The following SLC22A15 variants were observed in gnomAD, a reference collection of about 807,000 sequenced individuals.
SLC22A15 encodes solute carrier family 22 member 15.
Under a neutral mutation model 62.7 loss-of-function variants are expected in SLC22A15, and 45 were observed. That is an observed-to-expected ratio of 0.72 (90% CI 0.56 to 0.92). The LOEUF is 0.92. Among genes scored for constraint, SLC22A15 ranks in the 40% least tolerant of loss-of-function variants. The probability of loss-of-function intolerance (pLI) is 0.00; values close to 1 mark genes in which losing one functional copy is unlikely to be tolerated. For synonymous variants in SLC22A15, 264 were observed against 267.0 expected, an observed-to-expected ratio of 0.99 and a Z score of 0.11; for missense variants, 622 against 665.6, an observed-to-expected ratio of 0.93 and a Z score of 0.72.
rs1408132595 is a variant in SLC22A15, at chr1:116,058,279, A to G, written c.1172-4483A>G. Among the ~76,000 whole-genome samples the G allele has an allele frequency of 3.3e-5, 5 of 152,284 alleles. No individual in the cohort carries two copies. In the South Asian group the frequency reaches 6.2e-4, roughly 19 times the overall value. The stretch of plus-strand genomic sequence containing the variant: ...CTCAAACAAATCAGTAAGGAAAAAC[A>G]AACAATCCCATCAAAAAGTGGGCGA... On this transcript the variant is annotated intron_variant, in intron 8 of 11. Transcript: ENST00000369503.
Position 116,053,698 on chromosome 1 carries a change from C to T in SLC22A15, c.1172-9064C>T, listed in dbSNP as rs563010219. Among the ~76,000 whole-genome samples, 1,129 of 152,218 alleles carry T rather than the reference C, an allele frequency of 7.4e-3. 11 individuals carry two copies. Among genetic ancestry groups the T allele is most frequent in the African/African-American group, 0.025 (1,054 of 41,542 alleles). ...AAAGGGAAGCCCATCAGACTAACAGCGGATCTCTTGGCAGAAACTCTACAA... is the reference window on the plus strand; with the variant it reads ...AAAGGGAAGCCCATCAGACTAACAGTGGATCTCTTGGCAGAAACTCTACAA... On this transcript the variant is annotated intron_variant, in intron 8 of 11. Coordinates refer to ENST00000369503, the MANE Select transcript of SLC22A15 (RefSeq NM_018420.3).
intron 8 of SLC22A15, among the ~76,000 whole-genome samples, chr1:116,057,513 T>C (rs1273158723): frequency 6.6e-6 from 1 of 152,126 alleles, no homozygotes; most frequent in Non-Finnish European, 1.5e-5. Flanking sequence ...TCCTCAGGGA[T>C]CTAGAACCAG....
At chr1:116,018,658 A>G (rs1280018780) in intron 2 of SLC22A15, among the ~76,000 whole-genome samples, 1 of 152,122 alleles carries the variant, frequency 6.6e-6, no homozygotes, top group Non-Finnish European at 1.5e-5. Flanking sequence ...TGACATAATT[A>G]TATTTATGGG....
chr1:116,031,644 T>C (rs879880745), intron 6 of SLC22A15, 63 bp downstream of exon 6: 6 of 1,594,644 alleles, frequency 3.8e-6, no homozygotes, highest in Admixed American at 1.7e-5. Context: ...TCTCTTGATA[T>C]CCTGCTCCTT....
chr1:116,064,610 A>G, intron 10 of SLC22A15, 102 bp downstream of exon 10: 1 of 793,174 alleles, frequency 1.3e-6, no homozygotes. Context: ...ATTTAAGATC[A>G]GCTGACACAA....
In SLC22A15 at chr1:116,035,620, A is replaced by G. The variant is rs114054169; in HGVS notation, c.1085+293A>G. Among the ~76,000 whole-genome samples the G allele has an allele frequency of 3.9e-3, 598 of 152,318 alleles. 5 individuals carry two copies. Among genetic ancestry groups the G allele is most frequent in the African/African-American group, 0.014 (582 of 41,580 alleles). ...ATCAGAGGGTTTATGAGTAGTCTGTATGTAATTTGTTAGTCTCCAGAGATG... is the reference window on the plus strand; with the variant it reads ...ATCAGAGGGTTTATGAGTAGTCTGTGTGTAATTTGTTAGTCTCCAGAGATG... On this transcript the variant is annotated intron_variant, in intron 7 of 11. Transcript: ENST00000369503.
chr1:116,018,125 A>G (rs1193652893), intron 2 of SLC22A15, among the ~76,000 whole-genome samples: 4 of 152,226 alleles, frequency 2.6e-5, no homozygotes, highest in Non-Finnish European at 5.9e-5. Flanking sequence ...GACGCTTTCA[A>G]CATTCCAAAC....
chr1:116,041,218 C>G (rs1220864732), intron 8 of SLC22A15, among the ~76,000 whole-genome samples: 1 of 152,178 alleles, frequency 6.6e-6, no homozygotes, highest in East Asian at 1.9e-4. Context: ...TAATGTTGGT[C>G]TGCACATTTC....
intron 1 of SLC22A15, among the ~76,000 whole-genome samples, chr1:115,986,303 T>A (rs1165548657): frequency 6.6e-6 from 1 of 152,186 alleles, no homozygotes; most frequent in East Asian, 1.9e-4. Context: ...TTTATGTATA[T>A]AGCAGTGTGT....
At chr1:116,047,684 G>C (rs998898018) in intron 8 of SLC22A15, among the ~76,000 whole-genome samples, 1 of 152,130 alleles carries the variant, frequency 6.6e-6, no homozygotes, top group Non-Finnish European at 1.5e-5. Context: ...AAAAGGGGGA[G>C]AGTACTACAT....
At chr1:116,062,629 T>G (rs1658410273) in intron 8 of SLC22A15, 133 bp from the exon 9 acceptor site, 1 of 962,444 alleles carries the variant, frequency 1.0e-6, no homozygotes, top group Admixed American at 2.1e-5. Context: ...CTTCTGAATG[T>G]GTATTTGGTT....
chr1:116,019,666 T>C lies in SLC22A15; in HGVS notation c.385T>C (p.Phe129Leu). The change falls in exon 3 of 12, where the codon TTT (phenylalanine) becomes CTT (leucine). Residue 129 changes from phenylalanine to leucine, a missense_variant. Coordinates refer to ENST00000369503, the MANE Select transcript of SLC22A15 (RefSeq NM_018420.3). ...FSGVFVGVIS[F>L]GQLSDRFGRK... ...TGGTGTATTTGTTGGAGTTATCTCT[T>C]TTGGTCAGCTTTCAGATCGCTTCGG... The C allele has an allele frequency of 6.2e-7, 1 of 1,613,794 alleles. No homozygotes were observed. The highest frequency in any genetic ancestry group is 8.5e-7 in the Non-Finnish European group (1 of 1,179,818).
Position 116,026,742 on chromosome 1 carries a change from T to G in SLC22A15, c.599-151T>G, listed in dbSNP as rs533827277. 65 of 810,348 alleles carry G rather than the reference T, an allele frequency of 8.0e-5. No individual in the cohort carries two copies. The African/African-American group carries it at 9.3e-4, about 12-fold the overall frequency. The allele number at this position is 810,348 out of a possible 1,614,324, so 50.2% of individuals were successfully genotyped here. ...TCATTCTCTGATGTTCAACTTAGTGTAGATTTTTTTTTCTTTTCTGGTGTG... is the reference window on the plus strand; with the variant it reads ...TCATTCTCTGATGTTCAACTTAGTGGAGATTTTTTTTTCTTTTCTGGTGTG... On this transcript the variant is annotated intron_variant, in intron 4 of 11. Transcript: ENST00000369503.
chr1:116,026,070 T>C (rs775585149), intron 4 of SLC22A15, among the ~76,000 whole-genome samples: 10 of 152,216 alleles, frequency 6.6e-5, no homozygotes, highest in Non-Finnish European at 1.2e-4. Context: ...CCTATAGTAA[T>C]ACATTAAGTA....
At chr1:116,053,871 A>G (rs892848117) in intron 8 of SLC22A15, among the ~76,000 whole-genome samples, 1 of 151,934 alleles carries the variant, frequency 6.6e-6, no homozygotes, top group African/African-American at 2.4e-5. Flanking sequence ...TTTTGTCACC[A>G]CCAGGCCTGC....
intron 8 of SLC22A15, among the ~76,000 whole-genome samples, chr1:116,038,721 C>T (rs901955094): frequency 1.3e-5 from 2 of 152,126 alleles, no homozygotes; most frequent in African/African-American, 4.8e-5. Flanking sequence ...GACTTCAAAT[C>T]GTTGTAGTTT....
intron 8 of SLC22A15, among the ~76,000 whole-genome samples, chr1:116,054,170 CAG>C (rs1181585952): frequency 6.6e-6 from 1 of 152,120 alleles, no homozygotes; most frequent in Non-Finnish European, 1.5e-5. Context: ...ATCTCACATG[CAG>C]AGACACACAT....
chr1:115,976,580 G>A lies in SLC22A15; in HGVS notation c.-48G>A. On this transcript the variant is annotated 5_prime_UTR_variant, in exon 1 of 12. Coordinates refer to ENST00000369503, the MANE Select transcript of SLC22A15 (RefSeq NM_018420.3). ...GGTTGCCGCGCTGGGCGGGAGGGCA[G>A]CGCCTGAGAGGGCGGTGGGGTGGCG... The A allele has an allele frequency of 7.0e-7, 1 of 1,437,046 alleles. No homozygotes were observed. The highest frequency in any genetic ancestry group is 9.5e-7 in the Non-Finnish European group (1 of 1,057,730). The allele number at this position is 1,437,046 out of a possible 1,614,324, so 89.0% of individuals were successfully genotyped here. A position where few individuals can be genotyped will look rare whatever the true frequency, so the allele number is the denominator to read the frequency against.
In SLC22A15 at chr1:116,016,077, TTTTTC is replaced by T. The variant is rs371403668; in HGVS notation, c.301-3491_301-3487del. The stretch of plus-strand genomic sequence containing the variant: ...TTATATGAAACTTTCTTTCTCTTTC[TTTTTC>T]TTTTCTTTTCTTTCTCTCTTTCTCT... On this transcript the variant is annotated intron_variant, in intron 2 of 11. Transcript: ENST00000369503. Among the ~76,000 whole-genome samples, 41 of 152,226 alleles carry T rather than the reference TTTTTC, an allele frequency of 2.7e-4. 1 individual carries two copies. Among genetic ancestry groups the T allele is most frequent in the East Asian group, 9.7e-4 (5 of 5,166 alleles).
Sources: allele counts gnomAD v4.1 joint callset (sites outside exome capture counted in the v4.1 genomes callset), GRCh38; gene constraint gnomAD v4.1.1; transcripts MANE v1.5; gene names NCBI Gene and HGNC (gene_info 2026-07-23, HGNC 2026-07-21).